TMEM117: variants seen among roughly 807,000 people sequenced by gnomAD.
The protein encoded by TMEM117 is transmembrane protein 117.
Under a neutral mutation model 52.4 loss-of-function variants are expected in TMEM117, and 27 were observed. That is an observed-to-expected ratio of 0.51 (90% CI 0.38 to 0.71). The LOEUF (loss-of-function observed/expected upper bound fraction) is 0.71. Ranked by LOEUF, TMEM117 falls within the 30% of genes least tolerant of loss-of-function variation. The probability of loss-of-function intolerance (pLI) is 0.00; values close to 1 mark genes in which losing one functional copy is unlikely to be tolerated. For synonymous variants in TMEM117, 215 were observed against 206.3 expected (o/e 1.04, Z -0.36); for missense variants, 556 against 630.5 (o/e 0.88, Z 1.26).
chr12:44,285,482 G>A (rs1173802960), intron 5 of TMEM117, among the ~76,000 whole-genome samples: 1 of 152,162 alleles, frequency 6.6e-6, no homozygotes, highest in Admixed American at 6.5e-5. Flanking sequence ...TTTACTTACT[G>A]AAAGCCATAT....
chr12:44,322,749 AC>A (rs1275711775), intron 6 of TMEM117, among the ~76,000 whole-genome samples: 4 of 152,138 alleles, frequency 2.6e-5, no homozygotes, highest in African/African-American at 9.7e-5. Context: ...GTAAGAATAT[AC>A]TGTACACTCA....
At chr12:43,818,517 T>G in the TMEM117 span, among the ~76,000 whole-genome samples, 2 of 151,998 alleles carry the variant, frequency 1.3e-5, no homozygotes, top group Non-Finnish European at 2.9e-5. Context: ...CTTGGCTCAC[T>G]GCAATCTCCG....
At chr12:43,930,261 C>T (rs1944850304) in intron 2 of TMEM117, among the ~76,000 whole-genome samples, 2 of 152,250 alleles carry the variant, frequency 1.3e-5, no homozygotes, top group South Asian at 4.1e-4. Flanking sequence ...CAGTTCTATG[C>T]TTGATCTTAC....
intron 3 of TMEM117, among the ~76,000 whole-genome samples, chr12:44,100,234 A>G (rs1302458512): frequency 6.6e-6 from 1 of 152,022 alleles, no homozygotes. Context: ...GATGGGAATC[A>G]CTAGCATTCT....
intron 3 of TMEM117, among the ~76,000 whole-genome samples, chr12:43,976,220 T>C (rs1945668140): frequency 6.6e-6 from 1 of 152,170 alleles, no homozygotes; most frequent in Non-Finnish European, 1.5e-5. Flanking sequence ...TAATGAGTCA[T>C]AGGTAGCATT....
chr12:43,941,043 A>C (rs547540921), intron 2 of TMEM117, among the ~76,000 whole-genome samples: 2 of 152,050 alleles, frequency 1.3e-5, no homozygotes, highest in Admixed American at 1.3e-4. Context: ...TTTGTGTCCC[A>C]CTTTAATGCT....
At chr12:43,938,994 C>T (rs936025864) in intron 2 of TMEM117, among the ~76,000 whole-genome samples, 4 of 145,284 alleles carry the variant, frequency 2.8e-5, no homozygotes, top group Admixed American at 1.4e-4. Flanking sequence ...AGTGAGACTC[C>T]GTCTCAAAAT....
intron 3 of TMEM117, among the ~76,000 whole-genome samples, chr12:44,072,215 C>CAA (rs77689806): frequency 5.5e-5 from 8 of 144,742 alleles, no homozygotes; most frequent in African/African-American, 1.8e-4. Context: ...AGAGAAACAA[C>CAA]AAAAAAAAAA....
rs186048888 is a variant in TMEM117 at position 44,091,011 on chromosome 12, G to A, written c.411-52514G>A. ...TTATATCCTCAGAAAAATATTTTGT[G>A]ACTTACATATTAGTCCGTTTTCATG... On this transcript the variant is annotated intron_variant, in intron 3 of 7. Transcript: ENST00000266534. Among the ~76,000 whole-genome samples the A allele has an allele frequency of 8.1e-3, 1,233 of 151,946 alleles. 13 individuals carry two copies. Among genetic ancestry groups the A allele is most frequent in the African/African-American group, 0.028 (1,173 of 41,390 alleles).
chr12:44,101,212 A>G (rs1268919314), intron 3 of TMEM117, among the ~76,000 whole-genome samples: 1 of 150,806 alleles, frequency 6.6e-6, no homozygotes, highest in Non-Finnish European at 1.5e-5. Flanking sequence ...TATGTTGAAC[A>G]TATGTTGAAC....
intron 4 of TMEM117, among the ~76,000 whole-genome samples, chr12:44,191,995 G>A (rs890120967): frequency 1.3e-5 from 2 of 152,148 alleles, no homozygotes; most frequent in East Asian, 3.8e-4. Context: ...TTTTATTGAT[G>A]TATGTAAGAC....
the TMEM117 span, among the ~76,000 whole-genome samples, chr12:43,827,627 T>G: frequency 5.9e-5 from 9 of 152,176 alleles, no homozygotes; most frequent in Non-Finnish European, 1.2e-4. Flanking sequence ...CTTTCATGTA[T>G]TTTTACCCCA....
At chr12:44,321,384 G>A (rs1951127221) in intron 6 of TMEM117, among the ~76,000 whole-genome samples, 1 of 152,148 alleles carries the variant, frequency 6.6e-6, no homozygotes, top group Non-Finnish European at 1.5e-5. Context: ...CAGCTGCAAA[G>A]AGTAGCAAAA....
intron 5 of TMEM117, among the ~76,000 whole-genome samples, chr12:44,246,717 G>A (rs2138498602): frequency 6.6e-6 from 1 of 152,266 alleles, no homozygotes; most frequent in South Asian, 2.1e-4. Flanking sequence ...CACCCTGCAA[G>A]CTTACTAATG....
intron 3 of TMEM117, among the ~76,000 whole-genome samples, chr12:44,117,869 T>C (rs555589454): frequency 5.3e-5 from 8 of 152,256 alleles, no homozygotes; most frequent in African/African-American, 1.9e-4. Context: ...AAAACTCCTT[T>C]CTGTATCTTT....
At chr12:44,178,471 G>T (rs1356337058) in intron 4 of TMEM117, among the ~76,000 whole-genome samples, 1 of 151,950 alleles carries the variant, frequency 6.6e-6, no homozygotes, top group African/African-American at 2.4e-5. Flanking sequence ...GTCACCTGCA[G>T]GTTTGATATG....
At chr12:43,908,481 G>A (rs370884550) in intron 2 of TMEM117, among the ~76,000 whole-genome samples, 11 of 127,584 alleles carry the variant, frequency 8.6e-5, no homozygotes, top group African/African-American at 1.8e-4. Context: ...GACAGGATCA[G>A]ATTCACACAT....
At chr12:44,370,254 A>G (rs1187913095) in intron 6 of TMEM117, among the ~76,000 whole-genome samples, 4 of 152,156 alleles carry the variant, frequency 2.6e-5, no homozygotes, top group South Asian at 2.1e-4. Context: ...AATATTTACA[A>G]TGACTTCCAC....
At chr12:44,291,530 A>G (rs557951107) in intron 5 of TMEM117, among the ~76,000 whole-genome samples, 1 of 151,802 alleles carries the variant, frequency 6.6e-6, no homozygotes, top group Non-Finnish European at 1.5e-5. Flanking sequence ...TTTCAGTACC[A>G]TGTTAAATAG....
Sources: allele counts gnomAD v4.1 joint callset (sites outside exome capture counted in the v4.1 genomes callset), GRCh38; gene constraint gnomAD v4.1.1; transcripts MANE v1.5; gene names NCBI Gene and HGNC (gene_info 2026-07-23, HGNC 2026-07-21).